AP2B1: variants seen among roughly 807,000 people sequenced by gnomAD.
AP2B1 encodes the protein AP-2 complex subunit beta.
AP2B1 carries 23 observed loss-of-function variants against 102.0 expected under a neutral mutation model. That is an observed-to-expected ratio of 0.23 (90% CI 0.16 to 0.32). The LOEUF is 0.32. Ranked by LOEUF, AP2B1 falls within the 10% of genes least tolerant of loss-of-function variation. The pLI is 1.00. For missense variants in AP2B1, 541 were observed against 1,157.4 expected, an observed-to-expected ratio of 0.47 and a Z score of 7.73; for synonymous variants, 381 against 421.2, an observed-to-expected ratio of 0.90 and a Z score of 1.17.
At position 35,650,631 on chromosome 17, in the gene AP2B1, A is replaced by G; in HGVS notation, c.1638A>G (p.Pro546=). The G allele has an allele frequency of 1.9e-6, 3 of 1,614,176 alleles. No individual in the cohort carries two copies. Among genetic ancestry groups the G allele is most frequent in the Non-Finnish European group, 2.5e-6 (3 of 1,180,032 alleles). The change falls in exon 13 of 22, where the codon CCA becomes CCG. Residue 546 remains proline, a synonymous_variant. Coordinates refer to ENST00000610402, the MANE Select transcript of AP2B1 (RefSeq NM_001030006.2). ...AAGAAGTAGTCTTGTCTGAGAAGCC[A>G]CTGATCTCTGAGGAGACGGACCTTA... The part of the protein sequence containing the change: ...TAKEVVLSEK[P]LISEETDLIE...
chr17:35,709,169 C>G, intron 18 of AP2B1, 55 bp from the exon 19 acceptor site: 1 of 1,481,926 alleles, frequency 6.7e-7, no homozygotes, highest in Non-Finnish European at 9.4e-7. Context: ...CTGTTCTTTT[C>G]CTCCTACCTG....
chr17:35,588,243 G>C (rs1459562738), intron 1 of AP2B1, among the ~76,000 whole-genome samples: 1 of 148,998 alleles, frequency 6.7e-6, no homozygotes, highest in Non-Finnish European at 1.5e-5. Flanking sequence ...GGGGTGGGGT[G>C]GGGGGGGACA....
chr17:35,635,065 G>C (rs1444216757), intron 9 of AP2B1, among the ~76,000 whole-genome samples: 1 of 151,978 alleles, frequency 6.6e-6, no homozygotes, highest in Non-Finnish European at 1.5e-5. Context: ...TTTTTGGTGG[G>C]GTTGGGGGCA....
chr17:35,645,873 A>G (rs1236972517), intron 12 of AP2B1, among the ~76,000 whole-genome samples: 1 of 152,120 alleles, frequency 6.6e-6, no homozygotes, highest in Non-Finnish European at 1.5e-5. Context: ...AAACAAAACA[A>G]AAAAATGTCT....
At chr17:35,637,399 C>T (rs367714137) in intron 10 of AP2B1, among the ~76,000 whole-genome samples, 59 of 151,964 alleles carry the variant, frequency 3.9e-4, no homozygotes, top group African/African-American at 1.1e-3. Context: ...AGGCCAGTCT[C>T]GAACTCCTGA....
intron 5 of AP2B1, among the ~76,000 whole-genome samples, chr17:35,614,537 C>T (rs1382994179): frequency 6.6e-6 from 1 of 151,748 alleles, no homozygotes. Context: ...CTTTGGTTTA[C>T]TGCGTAGCCC....
intron 16 of AP2B1, 63 bp from the exon 17 acceptor site, chr17:35,674,112 TA>T: frequency 6.7e-7 from 1 of 1,497,808 alleles, no homozygotes; most frequent in South Asian, 1.3e-5. Context: ...TTTTATTTGT[TA>T]AAAAATGCAT....
At chr17:35,634,019 C>T (rs1444324456) in intron 9 of AP2B1, among the ~76,000 whole-genome samples, 3 of 151,952 alleles carry the variant, frequency 2.0e-5, no homozygotes, top group Admixed American at 6.6e-5. Context: ...TGGTGGCGCA[C>T]GCCTGTAATC....
rs756848953 is a variant in AP2B1 at position 35,639,590 on chromosome 17, A to G, written c.1272-5A>G. On this transcript the variant is annotated splice_polypyrimidine_tract_variant and splice_region_variant and intron_variant, in intron 10 of 21. Coordinates refer to ENST00000610402, the MANE Select transcript of AP2B1 (RefSeq NM_001030006.2). ...CAATAACCATAGTTCATTTTTTTTCATCAGGTATGAAAGTATCATCGCCAC... is the reference window on the plus strand; with the variant it reads ...CAATAACCATAGTTCATTTTTTTTCGTCAGGTATGAAAGTATCATCGCCAC... 1.7e-5 allele frequency: 27 copies of G among 1,595,152 alleles called. No individual in the cohort carries two copies. The highest frequency in any genetic ancestry group is 2.3e-5 in the Non-Finnish European group (27 of 1,174,214).
At chr17:35,611,540 A>G (rs1043980206) in intron 5 of AP2B1, among the ~76,000 whole-genome samples, 9 of 152,222 alleles carry the variant, frequency 5.9e-5, no homozygotes, top group African/African-American at 2.2e-4. Flanking sequence ...TTATCCAGAT[A>G]AACCGAGAAG....
At chr17:35,695,192 G>A (rs183707182) in intron 18 of AP2B1, among the ~76,000 whole-genome samples, 9 of 152,314 alleles carry the variant, frequency 5.9e-5, no homozygotes, top group African/African-American at 2.2e-4. Flanking sequence ...GCTAGAAGAG[G>A]AGAGGATTAG....
At chr17:35,700,532 A>G (rs1270164245) in intron 18 of AP2B1, among the ~76,000 whole-genome samples, 3 of 152,116 alleles carry the variant, frequency 2.0e-5, no homozygotes, top group South Asian at 2.1e-4. Context: ...GCCCTGTACT[A>G]TTTCACTTGG....
intron 19 of AP2B1, 97 bp from the exon 20 acceptor site, chr17:35,710,137 G>C: frequency 1.2e-6 from 1 of 827,588 alleles, no homozygotes; most frequent in South Asian, 1.4e-5. Flanking sequence ...TGTATTGCAA[G>C]AGCCAGCATG....
chr17:35,717,246 G>A lies in AP2B1; in HGVS notation c.2678G>A (p.Arg893Lys). ...AACAATGTTTATACTATTGCCAAGAGGAATGTGGAAGGGCAGGACATGCTG... is the reference window on the plus strand; with the variant it reads ...AACAATGTTTATACTATTGCCAAGAAGAATGTGGAAGGGCAGGACATGCTG... Reference protein sequence around the residue: ...QNNNVYTIAKRNVEGQDMLYQ... With the variant: ...QNNNVYTIAKKNVEGQDMLYQ... The change falls in exon 21 of 22, where the codon AGG becomes AAG. Residue 893 changes from arginine to lysine, a missense_variant. Physicochemically the swap from Arg to Lys is conservative, Grantham distance 26 (BLOSUM62 2). Coordinates refer to ENST00000610402, the MANE Select transcript of AP2B1 (RefSeq NM_001030006.2). 6.2e-7 allele frequency: 1 copy of A among 1,614,162 alleles called. No homozygotes were observed. The highest frequency in any genetic ancestry group is 8.5e-7 in the Non-Finnish European group (1 of 1,180,002).
chr17:35,597,123 G>A (rs752132696), intron 2 of AP2B1: 46 of 513,290 alleles, frequency 9.0e-5, no homozygotes, highest in Non-Finnish European at 1.4e-4. Flanking sequence ...ACCTCCGGAA[G>A]CGGAGACTGT....
At chr17:35,700,702 A>G (rs1314589870) in intron 18 of AP2B1, among the ~76,000 whole-genome samples, 9 of 152,210 alleles carry the variant, frequency 5.9e-5, no homozygotes, top group Non-Finnish European at 2.9e-5. Context: ...GTTCATCTCC[A>G]GCTGTCCCAC....
In AP2B1 at chr17:35,624,390, T is replaced by C; in HGVS notation, c.526-7T>C. On this transcript the variant is annotated splice_region_variant and splice_polypyrimidine_tract_variant and intron_variant, in intron 5 of 21. Coordinates refer to ENST00000610402, the MANE Select transcript of AP2B1 (RefSeq NM_001030006.2). ...GTGAATCAAGGTCATACCCCCTTCTTTTCCAGGTGGTGGCTAATGCCGTAG... is the reference window on the plus strand; with the variant it reads ...GTGAATCAAGGTCATACCCCCTTCTCTTCCAGGTGGTGGCTAATGCCGTAG... 1 of 1,613,774 alleles carries C rather than the reference T, an allele frequency of 6.2e-7. No individual in the cohort carries two copies. Among genetic ancestry groups the C allele is most frequent in the Non-Finnish European group, 8.5e-7 (1 of 1,179,854 alleles).
intron 18 of AP2B1, among the ~76,000 whole-genome samples, chr17:35,706,775 G>T (rs587723172): frequency 3.7e-4 from 56 of 151,870 alleles, no homozygotes; most frequent in African/African-American, 1.4e-3. Flanking sequence ...CAAGTAGCTG[G>T]GATTACAGGT....
chr17:35,717,631 A>G (rs1191401858), intron 21 of AP2B1, among the ~76,000 whole-genome samples: 1 of 152,152 alleles, frequency 6.6e-6, no homozygotes, highest in African/African-American at 2.4e-5. Context: ...CTTCATCCTC[A>G]ATATCAGTTA....
Sources: gnomAD v4.1 joint callset for allele counts (sites outside exome capture counted in the v4.1 genomes callset) on GRCh38, gnomAD v4.1.1 for gene constraint, MANE v1.5 for transcripts, NCBI Gene and HGNC (gene_info 2026-07-23, HGNC 2026-07-21) for gene names.